The following CPNE4 variants were observed in gnomAD, a reference collection of about 807,000 sequenced individuals.
The protein encoded by CPNE4 is copine 4.
A neutral mutation model predicts 67.9 loss-of-function variants in CPNE4; 25 were observed. The ratio of observed to expected loss-of-function variants is 0.37; its 90% CI spans 0.27 to 0.51. The LOEUF is 0.51. CPNE4 is among the 20% of genes least tolerant of loss of function. The pLI, the probability that CPNE4 is intolerant of heterozygous loss-of-function variation, is 0.93. For missense variants in CPNE4, 464 were observed against 690.8 expected (o/e 0.67, Z 3.68); for synonymous variants, 242 against 244.9 (o/e 0.99, Z 0.11).
chr3:131,572,702 G>A (rs1243789835), intron 10 of CPNE4, among the ~76,000 whole-genome samples: 1 of 152,046 alleles, frequency 6.6e-6, no homozygotes, highest in Non-Finnish European at 1.5e-5. Context: ...AAAAGTTTGT[G>A]TTGGCTAAAG....
intron 1 of CPNE4, among the ~76,000 whole-genome samples, chr3:131,992,286 A>G (rs1280647207): frequency 7.3e-6 from 1 of 137,052 alleles, no homozygotes; most frequent in Non-Finnish European, 1.7e-5. Flanking sequence ...CCACAGGGAC[A>G]GAGCTTCCCA....
chr3:131,597,655 C>T (rs183592691), intron 7 of CPNE4, among the ~76,000 whole-genome samples: 1 of 152,256 alleles, frequency 6.6e-6, no homozygotes, highest in Admixed American at 6.5e-5. Context: ...TTTCTCTTGG[C>T]TTTAAAATTT....
At chr3:131,744,075 A>G (rs984332123) in intron 2 of CPNE4, among the ~76,000 whole-genome samples, 1 of 151,228 alleles carries the variant, frequency 6.6e-6, no homozygotes, top group Admixed American at 6.6e-5. Context: ...GTTTGAATGC[A>G]ATGTAAGAAA....
At chr3:131,689,785 C>G (rs148475884) in intron 5 of CPNE4, among the ~76,000 whole-genome samples, 1 of 152,156 alleles carries the variant, frequency 6.6e-6, no homozygotes, top group South Asian at 2.1e-4. Context: ...CTCTCTTTGC[C>G]GTTGATATAA....
intron 11 of CPNE4, among the ~76,000 whole-genome samples, chr3:131,556,807 C>G (rs1366106831): frequency 6.6e-6 from 1 of 152,090 alleles, no homozygotes; most frequent in Non-Finnish European, 1.5e-5. Context: ...GATCTTAACT[C>G]TAACTTTACT....
At chr3:131,645,925 T>C (rs2079652468) in intron 7 of CPNE4, among the ~76,000 whole-genome samples, 1 of 152,206 alleles carries the variant, frequency 6.6e-6, no homozygotes, top group African/African-American at 2.4e-5. Context: ...CACCTTGACC[T>C]TGGAGAAAGG....
At chr3:131,845,317 A>G (rs1694665492) in intron 2 of CPNE4, among the ~76,000 whole-genome samples, 1 of 152,188 alleles carries the variant, frequency 6.6e-6, no homozygotes, top group Admixed American at 6.5e-5. Flanking sequence ...ACTATTTACA[A>G]CCTTCTTCAC....
Position 131,597,353 on chromosome 3 carries a change from C to T in CPNE4, c.682-9771G>A, listed in dbSNP as rs145054223. ...AGAGGGATAACATTAGGAGAAATACCTAATGTAGATGATGGGTTGATGGGT... is the reference window on the plus strand; with the variant it reads ...AGAGGGATAACATTAGGAGAAATACTTAATGTAGATGATGGGTTGATGGGT... On this transcript the variant is annotated intron_variant, in intron 7 of 15. Transcript: ENST00000429747. 1.8e-3 allele frequency among the ~76,000 whole-genome samples: 273 copies of T among 152,144 alleles called. 1 individual carries two copies. Among genetic ancestry groups the T allele is most frequent in the African/African-American group, 6.4e-3 (265 of 41,478 alleles).
chr3:131,798,639 GT>G (rs1226940042), intron 2 of CPNE4, among the ~76,000 whole-genome samples: 2 of 151,136 alleles, frequency 1.3e-5, no homozygotes. Flanking sequence ...TGATATGATA[GT>G]TTTTTGTGAT....
intron 2 of CPNE4, among the ~76,000 whole-genome samples, chr3:131,765,235 C>T (rs914097066): frequency 1.3e-5 from 2 of 152,122 alleles, no homozygotes; most frequent in African/African-American, 2.4e-5. Context: ...CTGAAAATAT[C>T]ATGCTTCCCT....
chr3:131,717,887 TTTC>T (rs1374427066), intron 3 of CPNE4, among the ~76,000 whole-genome samples: 11,952 of 61,344 alleles, frequency 0.19, 1,252 homozygotes, highest in Admixed American at 0.26. Flanking sequence ...TCTTTCTTTC[TTTC>T]TTTCTTTCTT....
intron 7 of CPNE4, among the ~76,000 whole-genome samples, chr3:131,596,739 G>T (rs1938903604): frequency 6.6e-6 from 1 of 150,534 alleles, no homozygotes; most frequent in African/African-American, 2.4e-5. Context: ...AGGCTTTTCT[G>T]AAGGATAAAT....
intron 2 of CPNE4, among the ~76,000 whole-genome samples, chr3:131,748,210 T>C (rs2082539736): frequency 6.6e-6 from 1 of 152,114 alleles, no homozygotes; most frequent in Admixed American, 6.5e-5. Context: ...TGAATTACTA[T>C]ATTATGGCAA....
At chr3:131,868,952 A>C (rs1225864637) in intron 2 of CPNE4, among the ~76,000 whole-genome samples, 2 of 152,196 alleles carry the variant, frequency 1.3e-5, no homozygotes, top group Non-Finnish European at 2.9e-5. Flanking sequence ...AGTAAGAACT[A>C]GGAGGAAATC....
intron 1 of CPNE4, among the ~76,000 whole-genome samples, chr3:131,998,946 G>A (rs371796163): frequency 4.6e-5 from 7 of 151,880 alleles, no homozygotes; most frequent in Non-Finnish European, 8.8e-5. Flanking sequence ...CAAAATTACC[G>A]GATGATGAGA....
intron 1 of CPNE4, among the ~76,000 whole-genome samples, chr3:131,983,096 A>G (rs1425166994): frequency 6.6e-6 from 1 of 152,136 alleles, no homozygotes; most frequent in African/African-American, 2.4e-5. Flanking sequence ...CTAATACTGA[A>G]TGATATTTTT....
chr3:131,734,140 A>G (rs2107765745), intron 2 of CPNE4, among the ~76,000 whole-genome samples: 1 of 152,332 alleles, frequency 6.6e-6, no homozygotes, highest in South Asian at 2.1e-4. Flanking sequence ...ATTGTGAATT[A>G]GTCCCCTGAT....
intron 2 of CPNE4, among the ~76,000 whole-genome samples, chr3:131,836,684 G>C (rs2085569215): frequency 6.6e-6 from 1 of 152,148 alleles, no homozygotes; most frequent in Non-Finnish European, 1.5e-5. Context: ...TCTTAGACAT[G>C]AAATCAAAAG....
chr3:131,921,876 TAGAGAGA>T (rs1210465556), intron 1 of CPNE4, among the ~76,000 whole-genome samples: 3 of 152,126 alleles, frequency 2.0e-5, no homozygotes, highest in South Asian at 2.1e-4. Flanking sequence ...TGGTCCAAAC[TAGAGAGA>T]AGAGAGAAGA....
Sources: gnomAD v4.1 joint callset for allele counts (sites outside exome capture counted in the v4.1 genomes callset) on GRCh38, gnomAD v4.1.1 for gene constraint, MANE v1.5 for transcripts, NCBI Gene and HGNC (gene_info 2026-07-23, HGNC 2026-07-21) for gene names.